Variants in ARHGEF38 observed in about 807,000 individuals in gnomAD.
ARHGEF38 encodes the protein Rho guanine nucleotide exchange factor 38.
ARHGEF38 carries 79 observed loss-of-function variants against 79.9 expected under a neutral mutation model. That is an observed-to-expected ratio of 0.99 (90% CI 0.82 to 1.19). The LOEUF is 1.19. Ranked by LOEUF, ARHGEF38 falls within the 50% of genes most tolerant of loss-of-function variation. The pLI is 0.00. For synonymous variants in ARHGEF38, 366 were observed against 328.3 expected, an observed-to-expected ratio of 1.11 and a Z score of -1.24; for missense variants, 962 against 907.2, an observed-to-expected ratio of 1.06 and a Z score of -0.78.
Position 105,667,160 on chromosome 4 carries a change from G to C in ARHGEF38, c.1721G>C (p.Arg574Pro). The C allele has an allele frequency of 6.5e-7, 1 of 1,533,976 alleles. No homozygotes were observed. The highest frequency in any genetic ancestry group is 8.7e-7 in the Non-Finnish European group (1 of 1,145,554). Reference sequence around the variant, plus strand: ...ATGCCACATCAAACTGACATTCATCGCTCCAAACTTCTATCCACATATAGT... The same window carrying C: ...ATGCCACATCAAACTGACATTCATCCCTCCAAACTTCTATCCACATATAGT... ...PEMPHQTDIH[R>P]SKLLSTYSAE... Residue 574 changes from arginine to proline, a missense_variant, in exon 12 of 14, where the codon CGC becomes CCC. Physicochemically the swap from Arg to Pro is moderately radical, Grantham distance 103. Transcript: ENST00000420470.
At position 105,614,045 on chromosome 4, in the gene ARHGEF38, A is replaced by C. The variant is rs149459470; in HGVS notation, c.508+538A>C. On this transcript the variant is annotated intron_variant, in intron 3 of 13. Coordinates refer to ENST00000420470, the MANE Select transcript of ARHGEF38 (RefSeq NM_001242729.2). ...TCCAAATATGTTTTTACTGTCAATC[A>C]GATATATTTATTTTCTTACTATGGT... 6.2e-3 allele frequency among the ~76,000 whole-genome samples: 943 copies of C among 152,124 alleles called. 9 individuals carry two copies. Among genetic ancestry groups the C allele is most frequent in the African/African-American group, 0.022 (907 of 41,502 alleles).
chr4:105,572,105 T>A (rs969598655), intron 1 of ARHGEF38, among the ~76,000 whole-genome samples: 1 of 152,246 alleles, frequency 6.6e-6, no homozygotes, highest in Non-Finnish European at 1.5e-5. Flanking sequence ...TAAACCTACC[T>A]TTCTATGTGA....
intron 2 of ARHGEF38, among the ~76,000 whole-genome samples, chr4:105,605,111 C>T (rs1204142968): frequency 1.3e-5 from 2 of 151,994 alleles, no homozygotes; most frequent in African/African-American, 4.8e-5. Flanking sequence ...GCAAGACCAC[C>T]CCAAACCTCT....
At chr4:105,648,818 C>CA in intron 7 of ARHGEF38, 136 bp downstream of exon 7, 6 of 739,272 alleles carry the variant, frequency 8.1e-6, no homozygotes, top group African/African-American at 2.1e-5. Flanking sequence ...TCTCTTGTCT[C>CA]CCTCTCTCTC....
At chr4:105,633,330 A>T (rs960174001) in intron 4 of ARHGEF38, among the ~76,000 whole-genome samples, 2 of 152,190 alleles carry the variant, frequency 1.3e-5, no homozygotes, top group Admixed American at 6.5e-5. Flanking sequence ...AGAATTATTG[A>T]CATTACTATA....
At chr4:105,635,073 A>G (rs1729345560) in intron 4 of ARHGEF38, among the ~76,000 whole-genome samples, 1 of 152,164 alleles carries the variant, frequency 6.6e-6, no homozygotes, top group Non-Finnish European at 1.5e-5. Flanking sequence ...ATAATCCTTA[A>G]GGAATAGTCA....
At chr4:105,608,494 A>T (rs1728150915) in intron 2 of ARHGEF38, among the ~76,000 whole-genome samples, 1 of 151,972 alleles carries the variant, frequency 6.6e-6, no homozygotes. Flanking sequence ...TGATACAAAT[A>T]TACAATGTGC....
At chr4:105,660,151 G>A (rs1389374676) in intron 10 of ARHGEF38, among the ~76,000 whole-genome samples, 1 of 151,954 alleles carries the variant, frequency 6.6e-6, no homozygotes, top group African/African-American at 2.4e-5. Flanking sequence ...GAATAAACGA[G>A]GGCTATGTTT....
chr4:105,557,310 C>CT (rs534293286), intron 1 of ARHGEF38, among the ~76,000 whole-genome samples: 101 of 152,020 alleles, frequency 6.6e-4, no homozygotes, highest in Non-Finnish European at 1.2e-3. Flanking sequence ...ACTTGAGACA[C>CT]TTTTTTGCAA....
intron 1 of ARHGEF38, 50 bp from the exon 2 acceptor site, chr4:105,589,198 A>G (rs751610114): frequency 6.7e-7 from 1 of 1,499,360 alleles, no homozygotes. Flanking sequence ...TAATGAAGGA[A>G]AAAGAAACCT....
At chr4:105,666,462 T>C (rs1451684886) in intron 11 of ARHGEF38, 142 bp downstream of exon 11, 1 of 1,013,044 alleles carries the variant, frequency 9.9e-7, no homozygotes, top group Admixed American at 3.3e-5. Flanking sequence ...TGTACATTTC[T>C]ATCCTATATA....
intron 6 of ARHGEF38, among the ~76,000 whole-genome samples, chr4:105,646,050 T>C (rs1011412045): frequency 6.6e-6 from 1 of 152,222 alleles, no homozygotes; most frequent in African/African-American, 2.4e-5. Flanking sequence ...TCAGTGTGAT[T>C]TGTGTTCACA....
chr4:105,666,343 C>A, intron 11 of ARHGEF38, 23 bp downstream of exon 11: 1 of 1,501,536 alleles, frequency 6.7e-7, no homozygotes, highest in Admixed American at 2.3e-5. Flanking sequence ...GCATTCATGA[C>A]AATGATAACT....
In ARHGEF38 at chr4:105,666,198, A is replaced by G; in HGVS notation, c.1567A>G (p.Ile523Val). 1 of 1,526,880 alleles carries G rather than the reference A, an allele frequency of 6.5e-7. No individual in the cohort carries two copies. The highest frequency in any genetic ancestry group is 1.7e-4 in the Middle Eastern group (1 of 5,944). 94.6% of individuals were successfully genotyped at this position (1,526,880 alleles called of 1,614,324 possible). A position where few individuals can be genotyped will look rare whatever the true frequency, so the allele number is the denominator to read the frequency against. ...LVPMPLLVSS[I>V]SEIQNQVLEE... ...ATAGATGCCACTGTTGGTTTCAAGCATTTCTGAGATTCAGAATCAAGTACT... is the reference window on the plus strand; with the variant it reads ...ATAGATGCCACTGTTGGTTTCAAGCGTTTCTGAGATTCAGAATCAAGTACT... Residue 523 changes from isoleucine to valine, a missense_variant, in exon 11 of 14, where the codon ATT (isoleucine) becomes GTT (valine). Ile to Val is a conservative substitution (Grantham distance 29). Coordinates refer to ENST00000420470, the MANE Select transcript of ARHGEF38 (RefSeq NM_001242729.2).
chr4:105,669,850 A>ATT (rs1396174811), intron 13 of ARHGEF38, among the ~76,000 whole-genome samples: 2 of 151,890 alleles, frequency 1.3e-5, no homozygotes, highest in African/African-American at 4.8e-5. Context: ...GTCTCCATAC[A>ATT]TTTGCCTTTT....
At chr4:105,555,700 T>G (rs942803124) in intron 1 of ARHGEF38, among the ~76,000 whole-genome samples, 3 of 152,172 alleles carry the variant, frequency 2.0e-5, no homozygotes, top group Non-Finnish European at 4.4e-5. Context: ...GCTGGTTATT[T>G]AATTAGTTAT....
At chr4:105,657,615 G>A (rs1021518874) in intron 9 of ARHGEF38, among the ~76,000 whole-genome samples, 2 of 151,934 alleles carry the variant, frequency 1.3e-5, no homozygotes, top group South Asian at 4.1e-4. Context: ...ATATAATACT[G>A]TAATTAGATT....
At chr4:105,600,369 T>A (rs1418722810) in intron 2 of ARHGEF38, among the ~76,000 whole-genome samples, 1 of 152,212 alleles carries the variant, frequency 6.6e-6, no homozygotes, top group Non-Finnish European at 1.5e-5. Flanking sequence ...TTCCCTGACC[T>A]GTTGGCAGCA....
intron 4 of ARHGEF38, among the ~76,000 whole-genome samples, chr4:105,635,452 A>G (rs1368005990): frequency 2.0e-5 from 3 of 152,230 alleles, no homozygotes; most frequent in Admixed American, 2.0e-4. Flanking sequence ...AAATAGAAAA[A>G]AAAACCCCAT....
Sources: gnomAD v4.1 joint callset for allele counts (sites outside exome capture counted in the v4.1 genomes callset) on GRCh38, gnomAD v4.1.1 for gene constraint, MANE v1.5 for transcripts, NCBI Gene and HGNC (gene_info 2026-07-23, HGNC 2026-07-21) for gene names.